The following SPAST variants were observed in gnomAD, a reference collection of about 807,000 sequenced individuals.
The protein encoded by SPAST is spastin.
Under a neutral mutation model 76.6 loss-of-function variants are expected in SPAST, and 30 were observed. That is an observed-to-expected ratio of 0.39 (90% CI 0.29 to 0.53). The LOEUF is 0.53. Among genes scored for constraint, SPAST ranks in the 20% least tolerant of loss-of-function variants. SPAST has a pLI of 0.68. For synonymous variants in SPAST, 305 were observed against 281.0 expected (o/e 1.09, Z -0.86); for missense variants, 717 against 770.5 (o/e 0.93, Z 0.82).
At chr2:32,076,536 A>T (rs1309631701) in intron 1 of SPAST, among the ~76,000 whole-genome samples, 1 of 152,058 alleles carries the variant, frequency 6.6e-6, no homozygotes, top group Non-Finnish European at 1.5e-5. Flanking sequence ...TTACCAAATT[A>T]TAGTAGAAAG....
chr2:32,097,863 TTTTG>T (rs1392686787), intron 3 of SPAST, among the ~76,000 whole-genome samples: 4 of 151,884 alleles, frequency 2.6e-5, no homozygotes, highest in Admixed American at 6.6e-5. Context: ...CCGGATACTT[TTTTG>T]TTTGTTTGTT....
At chr2:32,098,434 C>T (rs1272765242) in intron 3 of SPAST, among the ~76,000 whole-genome samples, 1 of 152,140 alleles carries the variant, frequency 6.6e-6, no homozygotes. Flanking sequence ...TGTACTTCAG[C>T]CTGGGTGACA....
intron 1 of SPAST, among the ~76,000 whole-genome samples, chr2:32,082,552 C>T (rs1437182709): frequency 2.6e-5 from 4 of 151,874 alleles, no homozygotes; most frequent in South Asian, 2.1e-4. Context: ...CAAAATTAGC[C>T]GGGCGTGGTG....
Position 32,095,474 on chromosome 2 carries a change from G to A in SPAST, c.587-3322G>A, listed in dbSNP as rs534880906. Among the ~76,000 whole-genome samples the A allele has an allele frequency of 1.1e-4, 17 of 152,100 alleles. No individual in the cohort carries two copies. The South Asian group carries it at 2.7e-3, about 24-fold the overall frequency. On this transcript the variant is annotated intron_variant, in intron 3 of 16. Transcript: ENST00000315285. ...GGGCTGGGCACAGTGGCTCATACCT[G>A]TAATCCTAGCACTTTGGGAGGTTGA...
At chr2:32,126,122 C>T (rs142875245) in intron 7 of SPAST, among the ~76,000 whole-genome samples, 1 of 152,268 alleles carries the variant, frequency 6.6e-6, no homozygotes, top group East Asian at 1.9e-4. Context: ...CTGTTTTTGA[C>T]TGCCTGCCTT....
chr2:32,120,976 T>A (rs1400998745), intron 7 of SPAST, among the ~76,000 whole-genome samples: 1 of 152,184 alleles, frequency 6.6e-6, no homozygotes. Context: ...TAGCTTCCAG[T>A]GCTGCTTTGT....
At chr2:32,119,097 G>C (rs1168656657) in intron 7 of SPAST, among the ~76,000 whole-genome samples, 1 of 152,168 alleles carries the variant, frequency 6.6e-6, no homozygotes, top group Non-Finnish European at 1.5e-5. Context: ...GGAAGAGCAA[G>C]ATCTGTGGTA....
chr2:32,147,107 A>G, intron 15 of SPAST, 111 bp from the exon 16 acceptor site: 1 of 710,712 alleles, frequency 1.4e-6, no homozygotes, highest in East Asian at 2.5e-5. Context: ...TTTTAATATA[A>G]TGATTTGTAC....
chr2:32,129,917 T>C (rs928075116), intron 9 of SPAST: 20 of 152,588 alleles, frequency 1.3e-4, no homozygotes, highest in African/African-American at 4.8e-4. Flanking sequence ...GAGGATCTCT[T>C]GAGCCTGAGA....
intron 16 of SPAST, 140 bp from the exon 17 acceptor site, chr2:32,154,234 A>G: frequency 1.4e-6 from 1 of 698,290 alleles, no homozygotes; most frequent in Non-Finnish European, 2.4e-6. Context: ...TAAATGGCTG[A>G]CATAATTTTC....
intron 5 of SPAST, 124 bp downstream of exon 5, chr2:32,114,949 A>G: frequency 2.8e-6 from 2 of 716,404 alleles, no homozygotes; most frequent in Admixed American, 6.4e-5. Flanking sequence ...AAGTTTCCAT[A>G]AAGTTAAATT....
rs1679277154 is a variant in SPAST at position 32,128,681 on chromosome 2, G to A, written c.1245+202G>A. On this transcript the variant is annotated intron_variant, in intron 9 of 16. Transcript: ENST00000315285. ...GTCAAATACTGTATTAGTTTACTGG[G>A]GCCATGTAATAAAATACCGTAAACT... The A allele has an allele frequency of 1.4e-5, 8 of 568,528 alleles. No individual in the cohort carries two copies. In the South Asian group the frequency reaches 1.6e-4, roughly 12 times the overall value. The allele number at this position is 568,528 out of a possible 1,614,324, so 35.2% of individuals were successfully genotyped here.
At chr2:32,100,232 G>A (rs938545191) in intron 4 of SPAST, among the ~76,000 whole-genome samples, 1 of 150,368 alleles carries the variant, frequency 6.7e-6, no homozygotes, top group South Asian at 2.1e-4. Context: ...CCTTGTTGTG[G>A]TTTTGATTTG....
intron 11 of SPAST, 58 bp from the exon 12 acceptor site, chr2:32,137,051 A>G: frequency 1.9e-6 from 3 of 1,555,686 alleles, no homozygotes; most frequent in Non-Finnish European, 2.7e-6. Flanking sequence ...AAATACAAAT[A>G]TCTTTATATT....
At chr2:32,109,355 C>T (rs867328307) in intron 4 of SPAST, among the ~76,000 whole-genome samples, 25 of 151,596 alleles carry the variant, frequency 1.6e-4, no homozygotes, top group South Asian at 4.2e-4. Context: ...GTGATCCACC[C>T]GCCTCGGCCT....
intron 1 of SPAST, among the ~76,000 whole-genome samples, chr2:32,086,775 A>C (rs1677498932): frequency 6.6e-6 from 1 of 152,174 alleles, no homozygotes; most frequent in African/African-American, 2.4e-5. Context: ...AAAGAAAAAA[A>C]GTCTAAGAAG....
chr2:32,067,593 A>T (rs1676573730), intron 1 of SPAST, among the ~76,000 whole-genome samples: 1 of 152,028 alleles, frequency 6.6e-6, no homozygotes, highest in South Asian at 2.1e-4. Flanking sequence ...ATTATACTTA[A>T]ATCCTCCTAA....
intron 2 of SPAST, among the ~76,000 whole-genome samples, chr2:32,089,218 T>TTTC (rs375850129): frequency 1.5e-5 from 2 of 129,996 alleles, no homozygotes; most frequent in African/African-American, 5.7e-5. Flanking sequence ...TTTTTTTTTT[T>TTTC]AAGTAGAGAC....
intron 1 of SPAST, among the ~76,000 whole-genome samples, chr2:32,081,321 C>G (rs1402747974): frequency 6.6e-6 from 1 of 150,552 alleles, no homozygotes; most frequent in South Asian, 2.1e-4. Context: ...GTCTTGATCT[C>G]CTGACCTCGT....
Sources: allele counts gnomAD v4.1 joint callset (sites outside exome capture counted in the v4.1 genomes callset), GRCh38; gene constraint gnomAD v4.1.1; transcripts MANE v1.5; gene names NCBI Gene and HGNC (gene_info 2026-07-23, HGNC 2026-07-21).